NMNAT3: variants seen among roughly 807,000 people sequenced by gnomAD.
The protein encoded by NMNAT3 is nicotinamide nucleotide adenylyltransferase 3.
In NMNAT3, 21 loss-of-function variants were observed where a neutral mutation model predicts 24.8. The ratio of observed to expected loss-of-function variants is 0.85; its 90% CI spans 0.60 to 1.22. NMNAT3 has a LOEUF of 1.22. Among genes scored for constraint, NMNAT3 ranks in the 50% most tolerant of loss-of-function variants. The pLI, the probability that NMNAT3 is intolerant of heterozygous loss-of-function variation, is 0.00. For synonymous variants in NMNAT3, 136 were observed against 155.2 expected (o/e 0.88, Z 0.92); for missense variants, 387 against 436.6 (o/e 0.89, Z 1.01).
intron 3 of NMNAT3, among the ~76,000 whole-genome samples, chr3:139,604,813 A>G (rs753473861): frequency 5.3e-5 from 8 of 152,200 alleles, no homozygotes; most frequent in Non-Finnish European, 1.2e-4. Context: ...TCATGTGCTG[A>G]TTTTTAAGCC....
At chr3:139,633,323 G>A (rs761452683) in intron 2 of NMNAT3, among the ~76,000 whole-genome samples, 6 of 152,062 alleles carry the variant, frequency 3.9e-5, no homozygotes, top group Non-Finnish European at 8.8e-5. Context: ...TGGGATTACA[G>A]GCACGTCCCA....
chr3:139,580,242 C>CTCA (rs1478929429), intron 4 of NMNAT3, among the ~76,000 whole-genome samples: 1 of 151,948 alleles, frequency 6.6e-6, no homozygotes, highest in African/African-American at 2.4e-5. Context: ...GCAATCTCAG[C>CTCA]CTCCCGAGTA....
intron 3 of NMNAT3, among the ~76,000 whole-genome samples, chr3:139,625,936 G>A (rs2056030538): frequency 6.6e-6 from 1 of 152,096 alleles, no homozygotes; most frequent in Non-Finnish European, 1.5e-5. Flanking sequence ...AGAATTCTAG[G>A]TCGACAGTAT....
intron 1 of NMNAT3, among the ~76,000 whole-genome samples, chr3:139,639,356 G>A (rs1272883476): frequency 6.6e-6 from 1 of 152,220 alleles, no homozygotes; most frequent in Non-Finnish European, 1.5e-5. Flanking sequence ...TGTCTTTCAA[G>A]TAAGGCATTG....
At chr3:139,569,364 T>C (rs1937709775) in intron 6 of NMNAT3, 2 of 152,240 alleles carry the variant, frequency 1.3e-5, no homozygotes, top group Non-Finnish European at 2.9e-5. Context: ...TATTGTTATG[T>C]GTGAATTTGA....
chr3:139,611,047 T>G (rs1846022), intron 3 of NMNAT3, among the ~76,000 whole-genome samples: 141,099 of 151,850 alleles, frequency 0.93, 66,475 homozygotes, highest in East Asian at 1. Context: ...GGGGGGGTGG[T>G]GGTGTTAAGA....
intron 6 of NMNAT3, among the ~76,000 whole-genome samples, chr3:139,563,443 A>G (rs1936719637): frequency 6.6e-6 from 1 of 152,200 alleles, no homozygotes. Context: ...AACAGAGAAG[A>G]TACCACCTCC....
At chr3:139,604,043 A>G (rs942890629) in intron 3 of NMNAT3, among the ~76,000 whole-genome samples, 2 of 152,228 alleles carry the variant, frequency 1.3e-5, no homozygotes, top group African/African-American at 4.8e-5. Flanking sequence ...TCTAAGGTCT[A>G]GTTTAAATAA....
chr3:139,561,294 T>C lies in NMNAT3; in HGVS notation c.757A>G (p.Lys253Glu). Reference sequence around the variant, plus strand: ...CGGCCCACGCACACCAAGCCAAACTTCTCCACTATTTCCTGGATGTGCGCA... The same window carrying C: ...CGGCCCACGCACACCAAGCCAAACTCCTCCACTATTTCCTGGATGTGCGCA... Residue 253 changes from lysine (K) to glutamate (E), a missense_variant, in exon 7 of 7, where the codon AAG (lysine) becomes GAG (glutamate). By Grantham distance (56) the Lys-to-Glu change is moderately conservative. This residue lies in a region of NMNAT3 where 323 missense variants were observed against 345.2 expected (regional missense o/e 0.94). Transcript: ENST00000643695. The C allele has an allele frequency of 3.1e-6, 5 of 1,614,012 alleles. No individual in the cohort carries two copies. The highest frequency in any genetic ancestry group is 4.2e-6 in the Non-Finnish European group (5 of 1,179,988).
intron 5 of NMNAT3, among the ~76,000 whole-genome samples, chr3:139,578,006 C>T (rs1939589411): frequency 6.6e-6 from 1 of 152,240 alleles, no homozygotes; most frequent in African/African-American, 2.4e-5. Context: ...CCCTTTGCCT[C>T]CCATTTCCTG....
At chr3:139,658,910 T>G (rs1437740251) in intron 1 of NMNAT3, among the ~76,000 whole-genome samples, 4 of 152,118 alleles carry the variant, frequency 2.6e-5, no homozygotes, top group Admixed American at 6.5e-5. Flanking sequence ...CGTCCCCTTG[T>G]GTCCCTTCCC....
Position 139,584,822 on chromosome 3 carries a change from T to A in NMNAT3, c.110-1614A>T, listed in dbSNP as rs187952494. Among the ~76,000 whole-genome samples, 369 of 152,314 alleles carry A rather than the reference T, an allele frequency of 2.4e-3. 2 individuals carry two copies. The highest frequency in any genetic ancestry group is 8.6e-3 in the African/African-American group (359 of 41,568). On this transcript the variant is annotated intron_variant, in intron 3 of 6. Transcript: ENST00000643695. ...CAAATGTAATGTTCTGTCCATTCAG[T>A]CAAGATTACTAATTGTTTTGCTTAA... is the stretch of plus-strand genomic sequence containing the variant.
chr3:139,676,176 C>A (rs925578392), intron 1 of NMNAT3, among the ~76,000 whole-genome samples: 5 of 152,246 alleles, frequency 3.3e-5, no homozygotes, highest in Admixed American at 1.3e-4. Flanking sequence ...CCTGCCTCAT[C>A]TGGGTTCCCC....
At chr3:139,594,738 A>C (rs1008718762) in intron 3 of NMNAT3, among the ~76,000 whole-genome samples, 2 of 152,256 alleles carry the variant, frequency 1.3e-5, no homozygotes, top group African/African-American at 4.8e-5. Context: ...TAGATGCAGA[A>C]AAGGCCTTTG....
At chr3:139,664,250 T>C (rs2108435974) in intron 1 of NMNAT3, among the ~76,000 whole-genome samples, 1 of 152,322 alleles carries the variant, frequency 6.6e-6, no homozygotes, top group South Asian at 2.1e-4. Context: ...CTCTTCACAG[T>C]CTGAAATTCA....
chr3:139,575,747 T>C (rs1034580830), intron 5 of NMNAT3: 2 of 1,103,648 alleles, frequency 1.8e-6, no homozygotes, highest in African/African-American at 3.3e-5. Flanking sequence ...GCCTGAGTGG[T>C]ACCTTGGGCC....
rs2057917493 is a variant in NMNAT3, at chr3:139,676,003, A to AC, written c.-141+1701dup. Among the ~76,000 whole-genome samples, 5 of 152,214 alleles carry AC rather than the reference A, an allele frequency of 3.3e-5. 1 individual carries two copies. The highest frequency in any genetic ancestry group is 3.3e-4 in the Admixed American group (5 of 15,280). On this transcript the variant is annotated intron_variant, in intron 1 of 6. Transcript: ENST00000643695. ...GCTGAGAAGTGCCAGGTCTGTGACCACCAAGCCTGGAGCTTCCCTTCTCAT... is the reference window on the plus strand; with the variant it reads ...GCTGAGAAGTGCCAGGTCTGTGACCACCCAAGCCTGGAGCTTCCCTTCTCAT...
chr3:139,620,314 T>C (rs932934280), intron 3 of NMNAT3, among the ~76,000 whole-genome samples: 6 of 151,900 alleles, frequency 3.9e-5, no homozygotes, highest in African/African-American at 1.5e-4. Context: ...TATATACCCC[T>C]GAAACCCACA....
At chr3:139,631,888 G>A (rs1559932228) in intron 2 of NMNAT3, among the ~76,000 whole-genome samples, 1 of 152,266 alleles carries the variant, frequency 6.6e-6, no homozygotes, top group East Asian at 1.9e-4. Context: ...CCAGAGAACT[G>A]TCATTTTTTT....
Sources: gnomAD v4.1 joint callset for allele counts (sites outside exome capture counted in the v4.1 genomes callset) on GRCh38, gnomAD v4.1.1 for gene constraint, gnomAD v4.1.1 regional missense constraint, MANE v1.5 for transcripts, NCBI Gene and HGNC (gene_info 2026-07-23, HGNC 2026-07-21) for gene names.